Variants in CIITA observed in about 807,000 individuals in gnomAD.
CIITA encodes class II major histocompatibility complex transactivator, also known as MHC class II transactivator.
In CIITA, 72 loss-of-function variants were observed where a neutral mutation model predicts 115.1. The ratio of observed to expected loss-of-function variants is 0.63; its 90% CI spans 0.52 to 0.76. CIITA has a LOEUF of 0.76. CIITA is among the 30% of genes least tolerant of loss of function. The pLI, the probability that CIITA is intolerant of heterozygous loss-of-function variation, is 0.00. For missense variants in CIITA, 1,617 were observed against 1,463.8 expected (o/e 1.10, Z -1.71); for synonymous variants, 763 against 635.6 (o/e 1.20, Z -3.02).
chr16:10,897,690 T>G (rs2038272180), intron 3 of CIITA, among the ~76,000 whole-genome samples: 2 of 152,174 alleles, frequency 1.3e-5, no homozygotes, highest in Non-Finnish European at 2.9e-5. Context: ...ACGGGATGGT[T>G]GTAAGACTGA....
In CIITA at chr16:10,906,679, G is replaced by A; in HGVS notation, c.1187G>A (p.Gly396Asp). 1 of 1,613,188 alleles carries A rather than the reference G, an allele frequency of 6.2e-7. No homozygotes were observed. The highest frequency in any genetic ancestry group is 8.5e-7 in the Non-Finnish European group (1 of 1,179,976). The change falls in exon 11 of 20, where the codon GGC becomes GAC. Residue 396 changes from glycine to aspartate, a missense_variant. Coordinates refer to ENST00000324288, the MANE Select transcript of CIITA (RefSeq NM_000246.4). The stretch of plus-strand genomic sequence containing the variant: ...GCAGAACGGCAGCTGGCCCAAGGAG[G>A]CCTGGCTGAGGTGCTGTTGGCTGCC... ...DWAERQLAQG[G>D]LAEVLLAAKE...
chr16:10,888,690 C>G (rs528786817), intron 1 of CIITA: 1 of 152,374 alleles, frequency 6.6e-6, no homozygotes, highest in African/African-American at 2.4e-5. Context: ...CAGGGGGAAG[C>G]ACAGTTTCAA....
At chr16:10,914,015 C>T (rs1365517084) in intron 13 of CIITA, among the ~76,000 whole-genome samples, 1 of 151,416 alleles carries the variant, frequency 6.6e-6, no homozygotes, top group African/African-American at 2.4e-5. Context: ...TCCCCCTCAC[C>T]ACTGTATATT....
At chr16:10,880,727 A>G (rs895313190) in intron 1 of CIITA, among the ~76,000 whole-genome samples, 1 of 152,076 alleles carries the variant, frequency 6.6e-6, no homozygotes, top group African/African-American at 2.4e-5. Context: ...ACCCAAGGAA[A>G]CTCTGGATTA....
intron 8 of CIITA, 142 bp downstream of exon 8, chr16:10,902,943 G>A (rs1596535898): frequency 1.9e-6 from 2 of 1,063,124 alleles, no homozygotes; most frequent in Admixed American, 4.1e-5. Context: ...AACTTTCTCT[G>A]TCCCTATTTC....
At chr16:10,910,422 G>C (rs1596566329) in intron 13 of CIITA, among the ~76,000 whole-genome samples, 163 bp downstream of exon 13, 1 of 152,150 alleles carries the variant, frequency 6.6e-6, no homozygotes, top group Admixed American at 6.5e-5. Context: ...GACCAGTGTG[G>C]GCAAATGCTG....
At position 10,899,147 on chromosome 16, in the gene CIITA, A is replaced by C. The variant is rs182132492; in HGVS notation, c.436+145A>C. 54 of 754,622 alleles carry C rather than the reference A, an allele frequency of 7.2e-5. No homozygotes were observed. In the African/African-American group the frequency reaches 7.6e-4, roughly 11 times the overall value. 46.7% of individuals were successfully genotyped at this position (754,622 alleles called of 1,614,324 possible). ...CCTTTAAAAGCCAACAGGAGCCTTA[A>C]AATGTACATCTGATTATTTCATGGC... is the stretch of plus-strand genomic sequence containing the variant. On this transcript the variant is annotated intron_variant, in intron 5 of 19. Transcript: ENST00000324288.
chr16:10,889,324 T>G (rs1284599188), intron 1 of CIITA, among the ~76,000 whole-genome samples: 2 of 152,134 alleles, frequency 1.3e-5, no homozygotes. Flanking sequence ...ATGCCAAGAT[T>G]CAAGTAGATC....
intron 1 of CIITA, among the ~76,000 whole-genome samples, chr16:10,894,292 G>A (rs6498118): frequency 0.91 from 138,547 of 152,234 alleles, 64,497 homozygotes; most frequent in East Asian, 1. Flanking sequence ...ATGTATCAGT[G>A]CTTTCTCCCT....
chr16:10,902,539 C>T, intron 7 of CIITA, 119 bp from the exon 8 acceptor site: 1 of 1,271,080 alleles, frequency 7.9e-7, no homozygotes. Flanking sequence ...GAAACAGCTA[C>T]TGCTCTTAGG....
Position 10,916,470 on chromosome 16 carries a change from TG to T in CIITA, c.3062+14del. On this transcript the variant is annotated intron_variant, in intron 15 of 19. Coordinates refer to ENST00000324288, the MANE Select transcript of CIITA (RefSeq NM_000246.4). ...CTTGGAAACCCTCAAGTGAGTGAGC[TG>T]GGCCTGCCCTTCCTGCTGAATCGGG... 6.2e-7 allele frequency: 1 copy of T among 1,607,202 alleles called. No homozygotes were observed. Among genetic ancestry groups the T allele is most frequent in the Non-Finnish European group, 8.5e-7 (1 of 1,176,312 alleles).
At chr16:10,873,405 T>C (rs2035617549), upstream of CIITA, among the ~76,000 whole-genome samples, 1 of 152,200 alleles carries the variant, frequency 6.6e-6, no homozygotes, top group Non-Finnish European at 1.5e-5. Context: ...AAGTTAAAGT[T>C]GTATTGCCAA....
chr16:10,871,906 C>T (rs149320080), intron 1 of CIITA, among the ~76,000 whole-genome samples: 18 of 152,294 alleles, frequency 1.2e-4, no homozygotes, highest in African/African-American at 4.3e-4. Flanking sequence ...CCAGCCTGTT[C>T]CAAACACAGC....
At position 10,903,775 on chromosome 16, in the gene CIITA, A is replaced by C. The variant is rs2038946525; in HGVS notation, c.817A>C (p.Thr273Pro). Residue 273 changes from threonine to proline, a missense_variant, in exon 9 of 20, where the codon ACT (threonine) becomes CCT (proline). Coordinates refer to ENST00000324288, the MANE Select transcript of CIITA (RefSeq NM_000246.4). The stretch of plus-strand genomic sequence containing the variant: ...CCAAGTACCCCCTCCCAGTGGATTC[A>C]CTGTCCACGGCCTCCCAACATCTCC... ...ASQVPPPSGF[T>P]VHGLPTSPDR... 8 of 1,614,058 alleles carry C rather than the reference A, an allele frequency of 5.0e-6. No homozygotes were observed. In the East Asian group the frequency reaches 1.6e-4, roughly 31 times the overall value.
chr16:10,922,162 G>T lies in CIITA; in HGVS notation c.3150-5G>T. 2 of 1,614,110 alleles carry T rather than the reference G, an allele frequency of 1.2e-6. No homozygotes were observed. The highest frequency in any genetic ancestry group is 2.2e-5 in the East Asian group (1 of 44,886). On this transcript the variant is annotated splice_region_variant and splice_polypyrimidine_tract_variant and intron_variant, in intron 16 of 19. Coordinates refer to ENST00000324288, the MANE Select transcript of CIITA (RefSeq NM_000246.4). ...ATCCCTCCCCCTGGCCTCTGTTTCCGACAGCTTGTACAATAACTGCATCTG... is the reference window on the plus strand; with the variant it reads ...ATCCCTCCCCCTGGCCTCTGTTTCCTACAGCTTGTACAATAACTGCATCTG...
intron 15 of CIITA, 78 bp from the exon 16 acceptor site, chr16:10,918,362 G>T: frequency 8.0e-7 from 1 of 1,256,186 alleles, no homozygotes; most frequent in South Asian, 1.2e-5. Flanking sequence ...CACAGCCTAT[G>T]ACCCAGAACT....
rs367978888 is a variant in CIITA at position 10,923,607 on chromosome 16, G to A, written c.*23-271G>A. On this transcript the variant is annotated intron_variant, in intron 19 of 19. Coordinates refer to ENST00000324288, the MANE Select transcript of CIITA (RefSeq NM_000246.4). This position sits in a 1 kb window ranked among gnomAD's most constrained non-coding sequence, Gnocchi z 5.2. Reference sequence around the variant, plus strand: ...TCAGTGCTTGGAAGAGCTTCCTTTGGGGACTCCAAGCCTTCCCAGCTGCTG... The same window carrying A: ...TCAGTGCTTGGAAGAGCTTCCTTTGAGGACTCCAAGCCTTCCCAGCTGCTG... 1.1e-4 allele frequency among the ~76,000 whole-genome samples: 17 copies of A among 152,270 alleles called. No individual in the cohort carries two copies. The East Asian group carries it at 2.5e-3, about 22-fold the overall frequency.
At chr16:10,913,942 A>AAAATAAATAAATAAAT (rs59779472) in intron 13 of CIITA, among the ~76,000 whole-genome samples, 2,378 of 133,128 alleles carry the variant, frequency 0.018, 29 homozygotes, top group African/African-American at 0.028. Flanking sequence ...CCCCATCTCA[A>AAAATAAATAAATAAAT]AAATAAATAA....
Position 10,877,358 on chromosome 16 carries a change from G to C in CIITA, c.28G>C (p.Gly10Arg), listed in dbSNP as rs771833372. 5 of 1,613,338 alleles carry C rather than the reference G, an allele frequency of 3.1e-6. No individual in the cohort carries two copies. The South Asian group carries it at 5.5e-5, about 18-fold the overall frequency. MRCLAPRPA[G>R]SYLSEPQGSS... ...GCGTTGCCTGGCTCCACGCCCTGCT[G>C]GGTCCTACCTGTCAGAGCCCCAAGG... is the stretch of plus-strand genomic sequence containing the variant. Residue 10 changes from glycine to arginine, a missense_variant, in exon 1 of 20, where the codon GGG becomes CGG. Coordinates refer to ENST00000324288, the MANE Select transcript of CIITA (RefSeq NM_000246.4).
Sources: gnomAD v4.1 joint callset for allele counts (sites outside exome capture counted in the v4.1 genomes callset) on GRCh38, gnomAD v4.1.1 for gene constraint, Gnocchi (gnomAD v3.1) non-coding constraint, MANE v1.5 for transcripts, NCBI Gene and HGNC (gene_info 2026-07-23, HGNC 2026-07-21) for gene names.